Variants in CTNND2 observed in about 807,000 individuals in gnomAD.
CTNND2 encodes catenin delta 2.
CTNND2 carries 22 observed loss-of-function variants against 144.4 expected under a neutral mutation model. The observed-to-expected ratio is 0.15, with a 90% CI of 0.11 to 0.22. CTNND2 has a LOEUF of 0.22. CTNND2 is among the 10% of genes least tolerant of loss of function. The pLI is 1.00. For missense variants in CTNND2, 1,353 were observed against 1,618.8 expected, an observed-to-expected ratio of 0.84 and a Z score of 2.82; for synonymous variants, 751 against 695.6, an observed-to-expected ratio of 1.08 and a Z score of -1.25.
intron 21 of CTNND2, among the ~76,000 whole-genome samples, chr5:10,975,486 C>G (rs1736351785): frequency 6.6e-6 from 1 of 152,220 alleles, no homozygotes; most frequent in Admixed American, 6.5e-5. Context: ...ATCCCTCAAG[C>G]AAACTCCCAC....
At chr5:11,145,844 T>C (rs984559301) in intron 12 of CTNND2, among the ~76,000 whole-genome samples, 1 of 152,194 alleles carries the variant, frequency 6.6e-6, no homozygotes, top group Non-Finnish European at 1.5e-5. Context: ...TTCCCCTCTC[T>C]GTCCCTCCCT....
intron 9 of CTNND2, among the ~76,000 whole-genome samples, chr5:11,340,961 C>T (rs1754209728): frequency 6.6e-6 from 1 of 152,226 alleles, no homozygotes; most frequent in Non-Finnish European, 1.5e-5. Flanking sequence ...TTATCATCAA[C>T]ACTGTTATAA....
intron 1 of CTNND2, among the ~76,000 whole-genome samples, chr5:11,863,267 T>C (rs1345572749): frequency 6.6e-6 from 1 of 152,218 alleles, no homozygotes; most frequent in African/African-American, 2.4e-5. Context: ...AAACAATTGT[T>C]GTTTCTTAGT....
chr5:11,306,644 G>T (rs902297752), intron 9 of CTNND2, among the ~76,000 whole-genome samples: 4 of 152,184 alleles, frequency 2.6e-5, no homozygotes, highest in African/African-American at 9.7e-5. Flanking sequence ...TGACCTTGGG[G>T]ACTGTTATGC....
chr5:11,774,561 T>TAAA (rs1202575547), intron 1 of CTNND2, among the ~76,000 whole-genome samples: 50,312 of 114,192 alleles, frequency 0.44, 13,581 homozygotes, highest in South Asian at 0.61. Flanking sequence ...AAAAAAAAAT[T>TAAA]AAAAAAAAAA....
chr5:11,611,207 G>C (rs1013116295), intron 2 of CTNND2, among the ~76,000 whole-genome samples: 5 of 152,142 alleles, frequency 3.3e-5, no homozygotes, highest in African/African-American at 1.2e-4. Flanking sequence ...TGATGTGTTT[G>C]CTTCCCCTTC....
At chr5:11,767,599 T>C (rs761367150) in intron 1 of CTNND2, among the ~76,000 whole-genome samples, 1 of 152,202 alleles carries the variant, frequency 6.6e-6, no homozygotes, top group Non-Finnish European at 1.5e-5. Flanking sequence ...ACCTCCAATA[T>C]AATGCTCAAT....
intron 1 of CTNND2, among the ~76,000 whole-genome samples, chr5:11,804,440 T>C (rs1398493674): frequency 6.6e-6 from 1 of 152,178 alleles, no homozygotes; most frequent in Non-Finnish European, 1.5e-5. Context: ...CTGCCAAAAC[T>C]GGAAGCAAAC....
chr5:10,986,075 A>G (rs1271944677), intron 20 of CTNND2, among the ~76,000 whole-genome samples: 1 of 152,234 alleles, frequency 6.6e-6, no homozygotes, highest in African/African-American at 2.4e-5. Context: ...CTGGCTTGCT[A>G]CATGATTGAG....
At chr5:11,395,875 G>C (rs61749792) in intron 6 of CTNND2, among the ~76,000 whole-genome samples, 2 of 152,178 alleles carry the variant, frequency 1.3e-5, no homozygotes, top group Admixed American at 1.3e-4. Context: ...GCACCAGGCT[G>C]TTAACCCTCT....
chr5:11,020,298 C>T (rs533123917), intron 17 of CTNND2, among the ~76,000 whole-genome samples: 47 of 151,436 alleles, frequency 3.1e-4, no homozygotes, highest in African/African-American at 9.8e-4. Flanking sequence ...TAGCAAGGCA[C>T]GTTTCTTCCA....
chr5:11,465,144 A>G (rs1204976826), intron 3 of CTNND2, among the ~76,000 whole-genome samples: 1 of 152,154 alleles, frequency 6.6e-6, no homozygotes, highest in Admixed American at 6.5e-5. Flanking sequence ...AATAACTAAG[A>G]TATTTTACAT....
At chr5:11,583,312 G>A (rs115093436) in intron 2 of CTNND2, among the ~76,000 whole-genome samples, 2,137 of 152,280 alleles carry the variant, frequency 0.014, 31 homozygotes, top group Middle Eastern at 0.037. Context: ...CTGGATGGAG[G>A]TAAATCGTAA....
chr5:11,781,345 A>C (rs1007402159), intron 1 of CTNND2, among the ~76,000 whole-genome samples: 3 of 152,212 alleles, frequency 2.0e-5, no homozygotes, highest in African/African-American at 7.2e-5. Flanking sequence ...CTAATCTATC[A>C]GTTCCCTAAC....
chr5:11,515,122 A>AAC (rs1772041474), intron 3 of CTNND2, among the ~76,000 whole-genome samples: 1 of 152,074 alleles, frequency 6.6e-6, no homozygotes, highest in African/African-American at 2.4e-5. Context: ...AAAAAAAAAA[A>AAC]AAAACGCATT....
chr5:11,412,781 A>C (rs887378156), intron 3 of CTNND2, among the ~76,000 whole-genome samples: 1 of 152,166 alleles, frequency 6.6e-6, no homozygotes, highest in Non-Finnish European at 1.5e-5. Context: ...CACTTCCTAC[A>C]GGCCCCTTTT....
At chr5:11,893,156 T>G (rs1468545784) in intron 1 of CTNND2, among the ~76,000 whole-genome samples, 3 of 152,194 alleles carry the variant, frequency 2.0e-5, no homozygotes, top group Non-Finnish European at 4.4e-5. Context: ...CATACAGTAT[T>G]TATGTTTACT....
intron 2 of CTNND2, among the ~76,000 whole-genome samples, chr5:11,580,648 C>T (rs904815496): frequency 6.6e-6 from 1 of 152,196 alleles, no homozygotes; most frequent in Non-Finnish European, 1.5e-5. Flanking sequence ...TCAGCCTTTC[C>T]AGCAGTTTCT....
rs909331697 is a variant in CTNND2 at position 11,047,344 on chromosome 5, C to A, written c.2789-24365G>T. On this transcript the variant is annotated intron_variant, in intron 16 of 21. Coordinates refer to ENST00000304623, the MANE Select transcript of CTNND2 (RefSeq NM_001332.4). ...CACATCACATACAGTTCCCCACCAACAGCGATGGCAAAAATGCCTTTTGTA... is the reference window on the plus strand; with the variant it reads ...CACATCACATACAGTTCCCCACCAAAAGCGATGGCAAAAATGCCTTTTGTA... 2.0e-5 allele frequency among the ~76,000 whole-genome samples: 3 copies of A among 152,312 alleles called. No homozygotes were observed. In the East Asian group the frequency reaches 5.8e-4, roughly 29 times the overall value.
Sources: gnomAD v4.1 joint callset for allele counts (sites outside exome capture counted in the v4.1 genomes callset) on GRCh38, gnomAD v4.1.1 for gene constraint, MANE v1.5 for transcripts, NCBI Gene and HGNC (gene_info 2026-07-23, HGNC 2026-07-21) for gene names.